Variants in FRMD4A observed in about 807,000 individuals in gnomAD.
The protein encoded by FRMD4A is FERM domain containing 4A, also known as FERM domain-containing protein 4A.
Under a neutral mutation model 129.1 loss-of-function variants are expected in FRMD4A, and 29 were observed. That is an observed-to-expected ratio of 0.22 (90% CI 0.17 to 0.31). The LOEUF (loss-of-function observed/expected upper bound fraction) is 0.31. Among genes scored for constraint, FRMD4A ranks in the 10% least tolerant of loss-of-function variants. The probability of loss-of-function intolerance (pLI) is 1.00; values close to 1 mark genes in which losing one functional copy is unlikely to be tolerated. For synonymous variants in FRMD4A, 634 were observed against 571.6 expected (o/e 1.11, Z -1.56); for missense variants, 1,272 against 1,375.8 (o/e 0.92, Z 1.19).
chr10:13,962,578 A>G (rs2095452803), intron 2 of FRMD4A, among the ~76,000 whole-genome samples: 1 of 152,194 alleles, frequency 6.6e-6, no homozygotes, highest in African/African-American at 2.4e-5. Context: ...ATTCCTGATC[A>G]TCTCCACCAG....
intron 24 of FRMD4A, 103 bp downstream of exon 24, chr10:13,651,800 C>G (rs896760619): frequency 2.7e-6 from 2 of 727,944 alleles, no homozygotes; most frequent in Non-Finnish European, 5.1e-6. Flanking sequence ...GGCATAAATA[C>G]AGCATTCAGA....
chr10:14,076,048 G>A (rs993258358), intron 2 of FRMD4A, among the ~76,000 whole-genome samples: 2 of 152,136 alleles, frequency 1.3e-5, no homozygotes, highest in African/African-American at 4.8e-5. Flanking sequence ...TGGCAACTCT[G>A]TTTTATTTCC....
At chr10:14,148,867 C>T (rs370412448) in intron 2 of FRMD4A, among the ~76,000 whole-genome samples, 12 of 152,112 alleles carry the variant, frequency 7.9e-5, no homozygotes, top group East Asian at 5.8e-4. Context: ...TGGGCAAGAC[C>T]GTCTAGTGTT....
At position 13,657,611 on chromosome 10, in the gene FRMD4A, C is replaced by A; in HGVS notation, c.2067-89G>T. The A allele has an allele frequency of 1.4e-6, 2 of 1,435,988 alleles. 1 individual carries two copies. Among genetic ancestry groups the A allele is most frequent in the South Asian group, 2.9e-5 (2 of 68,498 alleles). 89.0% of individuals were successfully genotyped at this position (1,435,988 alleles called of 1,614,324 possible). ...GGAGGAGGGGGTCCTGAGGAGGGCA[C>A]TGGGTGTCTGCACGCGGGCGCAGGC... On this transcript the variant is annotated intron_variant, in intron 21 of 24. Coordinates refer to ENST00000357447, the MANE Select transcript of FRMD4A (RefSeq NM_018027.5).
rs1589447919 is a variant in FRMD4A, at chr10:13,702,257, G to C, written c.837-779C>G. On this transcript the variant is annotated intron_variant, in intron 13 of 24. Coordinates refer to ENST00000357447, the MANE Select transcript of FRMD4A (RefSeq NM_018027.5). ...GGGCTACTTTTTTGTATTTTTAGTA[G>C]AGACAGGGTTTCATCAGGCTGGTCT... Among the ~76,000 whole-genome samples the C allele has an allele frequency of 2.0e-5, 3 of 152,192 alleles. No homozygotes were observed. The East Asian group carries it at 5.8e-4, about 29-fold the overall frequency.
chr10:14,129,815 C>T lies in FRMD4A; in HGVS notation c.45+200243G>A, dbSNP rs369068361. Among the ~76,000 whole-genome samples the T allele has an allele frequency of 6.8e-4, 104 of 152,268 alleles. 1 individual carries two copies. The highest frequency in any genetic ancestry group is 1.4e-3 in the Admixed American group (22 of 15,296). On this transcript the variant is annotated intron_variant, in intron 2 of 24. Coordinates refer to ENST00000357447, the MANE Select transcript of FRMD4A (RefSeq NM_018027.5). ...ATTAATAGCTTTAATTAACACTCAACAATGAGAAGTCAGTGGTTGATATTT... is the reference window on the plus strand; with the variant it reads ...ATTAATAGCTTTAATTAACACTCAATAATGAGAAGTCAGTGGTTGATATTT...
intron 2 of FRMD4A, among the ~76,000 whole-genome samples, chr10:13,910,215 C>T (rs2094927222): frequency 6.6e-6 from 1 of 152,206 alleles, no homozygotes; most frequent in African/African-American, 2.4e-5. Context: ...ATTTAAGTCT[C>T]CAAAGGACTT....
At chr10:13,745,155 A>T (rs1275610906) in intron 9 of FRMD4A, among the ~76,000 whole-genome samples, 1 of 152,220 alleles carries the variant, frequency 6.6e-6, no homozygotes, top group Admixed American at 6.5e-5. Flanking sequence ...TTATGTACAG[A>T]TATCAGAGTA....
At chr10:13,772,582 T>C (rs77286469) in intron 6 of FRMD4A, among the ~76,000 whole-genome samples, 2,153 of 152,246 alleles carry the variant, frequency 0.014, 94 homozygotes, top group South Asian at 0.12. Context: ...ACACAAACCA[T>C]CTTTGTGTCC....
chr10:14,295,871 A>T (rs1845991344), intron 2 of FRMD4A, among the ~76,000 whole-genome samples: 1 of 152,224 alleles, frequency 6.6e-6, no homozygotes. Flanking sequence ...TATCTCAAAA[A>T]TAATTTAAGA....
intron 2 of FRMD4A, among the ~76,000 whole-genome samples, chr10:14,066,406 A>G (rs552089133): frequency 2.0e-5 from 3 of 152,166 alleles, no homozygotes; most frequent in Non-Finnish European, 4.4e-5. Flanking sequence ...AACCTGGCTG[A>G]TTGTAGCTTA....
At chr10:14,097,517 G>A (rs1454665590) in intron 2 of FRMD4A, among the ~76,000 whole-genome samples, 1 of 151,986 alleles carries the variant, frequency 6.6e-6, no homozygotes, top group Non-Finnish European at 1.5e-5. Flanking sequence ...CTGCCTTACC[G>A]AGGAGGAAAC....
rs533552600 is a variant in FRMD4A, at chr10:13,972,664, T to C, written c.46-113752A>G. Among the ~76,000 whole-genome samples, 4 of 152,294 alleles carry C rather than the reference T, an allele frequency of 2.6e-5. 1 individual carries two copies. The highest frequency in any genetic ancestry group is 9.6e-5 in the African/African-American group (4 of 41,572). ...CCTTCAATTAAACGTGTCATAACCATTGGAATTTCATAAGTTGTTTTGATT... is the reference window on the plus strand; with the variant it reads ...CCTTCAATTAAACGTGTCATAACCACTGGAATTTCATAAGTTGTTTTGATT... On this transcript the variant is annotated intron_variant, in intron 2 of 24. Coordinates refer to ENST00000357447, the MANE Select transcript of FRMD4A (RefSeq NM_018027.5).
rs1242347852 is a variant in FRMD4A, at chr10:14,299,470, C to G, written c.45+30588G>C. ...TACTTCACTTAATATTTATAAGGAC[C>G]CACATAATGCAAGGATTGTTTTCAC... On this transcript the variant is annotated intron_variant, in intron 2 of 24. Coordinates refer to ENST00000357447, the MANE Select transcript of FRMD4A (RefSeq NM_018027.5). Among the ~76,000 whole-genome samples the G allele has an allele frequency of 2.6e-5, 4 of 152,116 alleles. No homozygotes were observed. The East Asian group carries it at 7.7e-4, about 29-fold the overall frequency.
chr10:13,890,348 T>G (rs977713640), intron 2 of FRMD4A: 5 of 161,828 alleles, frequency 3.1e-5, no homozygotes, highest in Non-Finnish European at 6.5e-5. Context: ...GACAGGTTAC[T>G]GTATCCAGTT....
chr10:13,952,454 T>C lies in FRMD4A; in HGVS notation c.46-93542A>G, dbSNP rs573950165. Among the ~76,000 whole-genome samples the C allele has an allele frequency of 2.6e-5, 4 of 152,108 alleles. No homozygotes were observed. In the East Asian group the frequency reaches 5.8e-4, roughly 22 times the overall value. Reference sequence around the variant, plus strand: ...AGTTGGAGGCTGCAGTGAGCTAAGATGGCACCACTACATTCCAGCCCAGGT... The same window carrying C: ...AGTTGGAGGCTGCAGTGAGCTAAGACGGCACCACTACATTCCAGCCCAGGT... On this transcript the variant is annotated intron_variant, in intron 2 of 24. Coordinates refer to ENST00000357447, the MANE Select transcript of FRMD4A (RefSeq NM_018027.5).
chr10:14,270,284 C>G (rs1433312143), intron 2 of FRMD4A, among the ~76,000 whole-genome samples: 1 of 152,228 alleles, frequency 6.6e-6, no homozygotes, highest in Non-Finnish European at 1.5e-5. Flanking sequence ...AATTCCTTCT[C>G]GTCTCTCTCC....
intron 2 of FRMD4A, among the ~76,000 whole-genome samples, chr10:14,005,583 C>T (rs1198281801): frequency 6.6e-6 from 1 of 152,200 alleles, no homozygotes; most frequent in Non-Finnish European, 1.5e-5. Flanking sequence ...TTTTCACCAC[C>T]TCTTAATGGC....
intron 2 of FRMD4A, among the ~76,000 whole-genome samples, chr10:13,908,201 T>C (rs1013413567): frequency 4.5e-5 from 3 of 67,332 alleles, no homozygotes; most frequent in Non-Finnish European, 1.0e-4. Context: ...GGACAGAAAA[T>C]ATATTAGACT....
Sources: allele counts gnomAD v4.1 joint callset (sites outside exome capture counted in the v4.1 genomes callset), GRCh38; gene constraint gnomAD v4.1.1; transcripts MANE v1.5; gene names NCBI Gene and HGNC (gene_info 2026-07-23, HGNC 2026-07-21).